The following NOL10 variants were observed in gnomAD, a reference collection of about 807,000 sequenced individuals.
The protein encoded by NOL10 is nucleolar protein 10, also known as H_NH0074G24.1.
In NOL10, 58 loss-of-function variants were observed where a neutral mutation model predicts 103.5. The ratio of observed to expected loss-of-function variants is 0.56; its 90% confidence interval spans 0.45 to 0.70. NOL10 has a LOEUF of 0.70. NOL10 is among the 30% of genes least tolerant of loss of function. The pLI is 0.00. For missense variants in NOL10, 763 were observed against 807.3 expected (o/e 0.95, Z 0.67); for synonymous variants, 287 against 282.5 (o/e 1.02, Z -0.16).
At chr2:10,580,317 G>A (rs12622551) in intron 19 of NOL10, among the ~76,000 whole-genome samples, 51,500 of 150,876 alleles carry the variant, frequency 0.34, 9,204 homozygotes, top group Non-Finnish European at 0.4. Context: ...CTGGCAGGTG[G>A]CAGAGGAGGA....
intron 20 of NOL10, among the ~76,000 whole-genome samples, chr2:10,576,284 T>C (rs374623189): frequency 4.6e-5 from 7 of 152,290 alleles, no homozygotes; most frequent in Admixed American, 3.9e-4. Context: ...TGTAAAATGG[T>C]GCAGCCACTG....
chr2:10,668,130 G>A (rs2148335663), intron 7 of NOL10, among the ~76,000 whole-genome samples: 1 of 152,244 alleles, frequency 6.6e-6, no homozygotes, highest in East Asian at 1.9e-4. Flanking sequence ...TAAAATGACT[G>A]AATAACACCT....
intron 13 of NOL10, among the ~76,000 whole-genome samples, chr2:10,633,991 T>C (rs1678019605): frequency 6.6e-6 from 1 of 152,030 alleles, no homozygotes; most frequent in Admixed American, 6.6e-5. Context: ...CACACCTGGT[T>C]AATTTTTAAA....
intron 13 of NOL10, among the ~76,000 whole-genome samples, chr2:10,611,544 G>C (rs1676567036): frequency 6.6e-6 from 1 of 152,246 alleles, no homozygotes. Flanking sequence ...CACTTTGGAA[G>C]GCCAAGGCAA....
intron 14 of NOL10, 150 bp downstream of exon 14, chr2:10,607,035 A>G (rs1161867666): frequency 4.3e-5 from 20 of 465,438 alleles, no homozygotes; most frequent in Non-Finnish European, 7.2e-5. Context: ...CAAATCTGAC[A>G]ATTTATAATA....
intron 19 of NOL10, among the ~76,000 whole-genome samples, chr2:10,584,439 C>T (rs1674922068): frequency 6.6e-6 from 1 of 152,136 alleles, no homozygotes; most frequent in South Asian, 2.1e-4. Context: ...GCCATATGAC[C>T]ACACCAAGCA....
intron 17 of NOL10, among the ~76,000 whole-genome samples, chr2:10,599,725 A>G (rs7600587): frequency 0.59 from 89,970 of 152,046 alleles, 27,631 homozygotes; most frequent in African/African-American, 0.74. Context: ...AAGGAAGCAG[A>G]AGACAGCAAG....
In NOL10 at chr2:10,672,500, G is replaced by A. The variant is rs550925445; in HGVS notation, c.328-810C>T. On this transcript the variant is annotated intron_variant, in intron 5 of 20. Transcript: ENST00000381685. Reference sequence around the variant, plus strand: ...GAGAAAATACATTCTAAAATGACATGTTCCAAAACGTATGATAAATGATAC... The same window carrying A: ...GAGAAAATACATTCTAAAATGACATATTCCAAAACGTATGATAAATGATAC... Among the ~76,000 whole-genome samples the A allele has an allele frequency of 3.9e-5, 6 of 152,214 alleles. 1 individual carries two copies. The highest frequency in any genetic ancestry group is 1.4e-4 in the African/African-American group (6 of 41,542).
At chr2:10,632,553 A>G (rs1382208444) in intron 13 of NOL10, among the ~76,000 whole-genome samples, 1 of 152,212 alleles carries the variant, frequency 6.6e-6, no homozygotes, top group Admixed American at 6.5e-5. Flanking sequence ...AAGTAACTGG[A>G]AGCAATGCAA....
Position 10,668,578 on chromosome 2 carries a change from A to G in NOL10, c.530+80T>C, listed in dbSNP as rs903290637. The stretch of plus-strand genomic sequence containing the variant: ...GAGTTTTGCTTAATTGCAATAGTTT[A>G]TGTTACTTGTTAACAAACTGAGCAT... On this transcript the variant is annotated intron_variant, in intron 7 of 20. Coordinates refer to ENST00000381685, the MANE Select transcript of NOL10 (RefSeq NM_024894.4). 6.1e-6 allele frequency: 4 copies of G among 658,562 alleles called. No homozygotes were observed. The African/African-American group carries it at 7.2e-5, about 12-fold the overall frequency. 40.8% of individuals were successfully genotyped at this position (658,562 alleles called of 1,614,324 possible).
chr2:10,587,077 A>G lies in NOL10; in HGVS notation c.1844+1966T>C. Among the ~76,000 whole-genome samples the G allele has an allele frequency of 1.1e-4, 4 of 38,052 alleles. 2 individuals are homozygous for G. The highest frequency in any genetic ancestry group is 2.8e-4 in the Non-Finnish European group (4 of 14,044). 25.0% of individuals were successfully genotyped at this position (38,052 alleles called of 152,430 possible). ...TATACATATATATATACATATATAT[A>G]CATATATATACATATATATACACAT... is the stretch of plus-strand genomic sequence containing the variant. On this transcript the variant is annotated intron_variant, in intron 19 of 20. Transcript: ENST00000381685.
chr2:10,596,052 G>C (rs572797816), intron 17 of NOL10, among the ~76,000 whole-genome samples: 12 of 152,034 alleles, frequency 7.9e-5, no homozygotes, highest in Non-Finnish European at 1.5e-4. Context: ...CCAACCCAAA[G>C]TATCTGTACC....
intron 13 of NOL10, among the ~76,000 whole-genome samples, chr2:10,623,611 G>A (rs1044167638): frequency 6.6e-6 from 1 of 152,170 alleles, no homozygotes; most frequent in Non-Finnish European, 1.5e-5. Context: ...TGATATCCTA[G>A]TGCAGTTTTT....
chr2:10,648,298 G>A lies in NOL10; in HGVS notation c.974-3926C>T, dbSNP rs529524746. Among the ~76,000 whole-genome samples the A allele has an allele frequency of 8.5e-5, 13 of 152,292 alleles. No homozygotes were observed. The South Asian group carries it at 2.1e-3, about 24-fold the overall frequency. On this transcript the variant is annotated intron_variant, in intron 12 of 20. Coordinates refer to ENST00000381685, the MANE Select transcript of NOL10 (RefSeq NM_024894.4). ...GACAGTTTCAGCTTTTCTAAACTAT[G>A]ATTAAGCCCACAATGATTAAGCACC...
chr2:10,664,722 G>T (rs748515117), intron 8 of NOL10, among the ~76,000 whole-genome samples: 1 of 152,148 alleles, frequency 6.6e-6, no homozygotes, highest in Non-Finnish European at 1.5e-5. Context: ...TTTTGGTAGA[G>T]AAGAGGTGTC....
chr2:10,668,302 A>G (rs2148335993), intron 7 of NOL10, among the ~76,000 whole-genome samples: 1 of 152,352 alleles, frequency 6.6e-6, no homozygotes, highest in South Asian at 2.1e-4. Context: ...CTAGCAGAGC[A>G]TAAAAATTTA....
intron 10 of NOL10, among the ~76,000 whole-genome samples, chr2:10,658,398 A>T (rs1679984204): frequency 6.6e-6 from 1 of 152,184 alleles, no homozygotes; most frequent in Non-Finnish European, 1.5e-5. Context: ...GATGCCCTCT[A>T]GCCCATGATG....
At chr2:10,638,315 G>A (rs982927923) in intron 13 of NOL10, among the ~76,000 whole-genome samples, 46 of 143,724 alleles carry the variant, frequency 3.2e-4, no homozygotes, top group African/African-American at 1.1e-3. Context: ...GACGTGACGT[G>A]ACGTGACGTG....
intron 19 of NOL10, among the ~76,000 whole-genome samples, chr2:10,585,366 G>A: frequency 6.6e-6 from 1 of 152,354 alleles, no homozygotes; most frequent in East Asian, 1.9e-4. Flanking sequence ...GGCACAGCCT[G>A]TGGACAAGTT....
Sources: allele counts gnomAD v4.1 joint callset (sites outside exome capture counted in the v4.1 genomes callset), GRCh38; gene constraint gnomAD v4.1.1; transcripts MANE v1.5; gene names NCBI Gene and HGNC (gene_info 2026-07-23, HGNC 2026-07-21).